NKD1: variants seen among roughly 807,000 people sequenced by gnomAD.
The protein encoded by NKD1 is protein naked cuticle homolog 1.
In NKD1, 21 loss-of-function variants were observed where a neutral mutation model predicts 56.0. The ratio of observed to expected loss-of-function variants is 0.38; its 90% CI spans 0.27 to 0.54. The LOEUF (loss-of-function observed/expected upper bound fraction) is 0.54. NKD1 is among the 20% of genes least tolerant of loss of function. The pLI, the probability that NKD1 is intolerant of heterozygous loss-of-function variation, is 0.82. For missense variants in NKD1, 578 were observed against 642.7 expected (o/e 0.90, Z 1.09); for synonymous variants, 263 against 265.7 (o/e 0.99, Z 0.10).
intron 4 of NKD1, among the ~76,000 whole-genome samples, chr16:50,620,528 A>AG (rs1171239452): frequency 5.3e-5 from 8 of 152,162 alleles, no homozygotes; most frequent in Admixed American, 2.6e-4. Flanking sequence ...TTCCCGGAGT[A>AG]GGAGCCAGGC....
rs1257201850 is a variant in NKD1, at chr16:50,633,702, C to T, written c.1334C>T (p.Ala445Val). 3 of 1,589,050 alleles carry T rather than the reference C, an allele frequency of 1.9e-6. No homozygotes were observed. Among genetic ancestry groups the T allele is most frequent in the East Asian group, 4.6e-5 (2 of 43,602 alleles). Residue 445 changes from alanine to valine, a missense_variant, in exon 10 of 10, where the codon GCC (alanine) becomes GTC (valine). By Grantham distance (64) the Ala-to-Val change is moderately conservative. Transcript: ENST00000268459. The surrounding 1 kb of genome is among the most constrained non-coding windows in gnomAD (Gnocchi z 4.9). ...GCCTTGGTGGTGTATGAGAGCCAGG[C>T]CGGGCAGCCGGTCCAGAGACATGAG... ...LPALVVYESQAGQPVQRHEHH... is the reference protein window; with the variant it reads ...LPALVVYESQVGQPVQRHEHH...
At chr16:50,560,695 CA>C (rs1960604481) in intron 3 of NKD1, among the ~76,000 whole-genome samples, 4 of 150,260 alleles carry the variant, frequency 2.7e-5, no homozygotes, top group Admixed American at 2.7e-4. Context: ...ATTTAGTGAC[CA>C]AAATGAAATA....
At chr16:50,585,759 G>A (rs1961215331) in intron 3 of NKD1, among the ~76,000 whole-genome samples, 1 of 152,300 alleles carries the variant, frequency 6.6e-6, no homozygotes, top group Non-Finnish European at 1.5e-5. Flanking sequence ...TGGGAGTTTG[G>A]TAATAGTAAT....
chr16:50,548,979 TC>T, intron 2 of NKD1: 1 of 729,970 alleles, frequency 1.4e-6, no homozygotes, highest in East Asian at 2.4e-4. Flanking sequence ...CCCCTCCCCC[TC>T]CCGCGTCCCT....
At chr16:50,571,458 C>T (rs1960881876) in intron 3 of NKD1, 1 of 985,278 alleles carries the variant, frequency 1.0e-6, no homozygotes, top group Non-Finnish European at 1.2e-6. Flanking sequence ...GTGCCCTCCA[C>T]TCACTGCCGC....
Position 50,645,627 on chromosome 16 carries a change from A to T in NKD1, c.*11846A>T, listed in dbSNP as rs1384961032. 1 of 152,196 alleles carries T rather than the reference A, an allele frequency of 6.6e-6. No individual in the cohort carries two copies. The highest frequency in any genetic ancestry group is 1.5e-5 in the Non-Finnish European group (1 of 68,070). The allele number at this position is 152,196 out of a possible 1,614,324, so 9.4% of individuals were successfully genotyped here. Reference sequence around the variant, plus strand: ...CACTCTAGCCACCACCACGCAGAGAAGGGATTGGAAACAGTAGCCCGGAGA... The same window carrying T: ...CACTCTAGCCACCACCACGCAGAGATGGGATTGGAAACAGTAGCCCGGAGA... On this transcript the variant is annotated 3_prime_UTR_variant, in exon 10 of 10. Coordinates refer to ENST00000268459, the MANE Select transcript of NKD1 (RefSeq NM_033119.5).
chr16:50,612,442 G>T (rs1961867203), intron 4 of NKD1, among the ~76,000 whole-genome samples: 1 of 152,216 alleles, frequency 6.6e-6, no homozygotes, highest in East Asian at 1.9e-4. Flanking sequence ...TGCAGCTAGG[G>T]GCTCTGCTGG....
In NKD1 at chr16:50,598,664, G is replaced by A. The variant is rs866279387; in HGVS notation, c.193-9630G>A. Among the ~76,000 whole-genome samples the A allele has an allele frequency of 1.2e-4, 18 of 152,334 alleles. No individual in the cohort carries two copies. Among genetic ancestry groups the A allele is most frequent in the Middle Eastern group, 3.4e-3 (1 of 294 alleles). ...CCGCCCCAGCTGCTTGGTGATCAGA[G>A]GCACGCCACAGGCCCTCGGGCCTCT... On this transcript the variant is annotated intron_variant, in intron 3 of 9. Transcript: ENST00000268459. This position sits in a 1 kb window ranked among gnomAD's most constrained non-coding sequence, Gnocchi z 4.2.
Position 50,633,178 on chromosome 16 carries a change from G to A in NKD1, c.824-14G>A, listed in dbSNP as rs1308847969. 1.3e-6 allele frequency: 2 copies of A among 1,588,218 alleles called. No homozygotes were observed. The highest frequency in any genetic ancestry group is 1.7e-6 in the Non-Finnish European group (2 of 1,164,596). ...AGTAGGTGCTCATTAAATGTCTGTT[G>A]AATTGGTTCCTAGGCTCCCCTTCCG... is the stretch of plus-strand genomic sequence containing the variant. On this transcript the variant is annotated splice_polypyrimidine_tract_variant and intron_variant, in intron 9 of 9. Transcript: ENST00000268459. The surrounding 1 kb of genome is among the most constrained non-coding windows in gnomAD (Gnocchi z 4.9).
rs913183302 is a variant in NKD1 at position 50,647,111 on chromosome 16, G to C, written c.*13330G>C. On this transcript the variant is annotated 3_prime_UTR_variant, in exon 10 of 10. Coordinates refer to ENST00000268459, the MANE Select transcript of NKD1 (RefSeq NM_033119.5). ...ACTATATTACATATCTACAGTGGTA[G>C]AGTCATACTAGAAGACATGATGGGA... The C allele has an allele frequency of 3.0e-4, 46 of 152,222 alleles. No homozygotes were observed. Among genetic ancestry groups the C allele is most frequent in the Admixed American group, 3.0e-3 (46 of 15,286 alleles). The allele number at this position is 152,222 out of a possible 1,614,324, so 9.4% of individuals were successfully genotyped here.
At position 50,647,316 on chromosome 16, in the gene NKD1, TG is replaced by T. The variant is rs1368057207; in HGVS notation, c.*13537del. The T allele has an allele frequency of 6.6e-6, 1 of 152,268 alleles. No individual in the cohort carries two copies. The highest frequency in any genetic ancestry group is 6.5e-5 in the Admixed American group (1 of 15,282). The allele number at this position is 152,268 out of a possible 1,614,324, so 9.4% of individuals were successfully genotyped here. A position where few individuals can be genotyped will look rare whatever the true frequency, so the allele number is the denominator to read the frequency against. ...CTGTTGAGGAACTTGTAACATGTCA[TG>T]GTAGTGGCCATCTTGCTACAGCCTG... On this transcript the variant is annotated 3_prime_UTR_variant, in exon 10 of 10. Coordinates refer to ENST00000268459, the MANE Select transcript of NKD1 (RefSeq NM_033119.5).
At chr16:50,609,866 C>T (rs1335240943) in intron 4 of NKD1, among the ~76,000 whole-genome samples, 3 of 152,170 alleles carry the variant, frequency 2.0e-5, no homozygotes, top group African/African-American at 7.2e-5. Flanking sequence ...TGCATACAGT[C>T]TGGTATCTTT....
intron 3 of NKD1, among the ~76,000 whole-genome samples, chr16:50,579,042 G>A (rs1371941210): frequency 6.6e-6 from 1 of 152,112 alleles, no homozygotes; most frequent in African/African-American, 2.4e-5. Context: ...CACTATACAC[G>A]CACTCTAACC....
intron 2 of NKD1, 195 bp downstream of exon 2, chr16:50,548,944 C>A: frequency 2.1e-6 from 2 of 961,452 alleles, no homozygotes; most frequent in Non-Finnish European, 2.5e-6. Context: ...CCCCGCGGTC[C>A]TGCGCTCCCA....
At position 50,588,573 on chromosome 16, in the gene NKD1, G is replaced by GTTTCT. The variant is rs1254838982; in HGVS notation, c.193-19704_193-19700dup. On this transcript the variant is annotated intron_variant, in intron 3 of 9. Transcript: ENST00000268459. ...TGCCACTTGTTAGCTACTTGTTCAA[G>GTTTCT]TTTCTTTTCTTTTCTTTTCTTCTGC... 8.3e-4 allele frequency among the ~76,000 whole-genome samples: 110 copies of GTTTCT among 131,892 alleles called. 1 individual carries two copies. Among genetic ancestry groups the GTTTCT allele is most frequent in the African/African-American group, 2.1e-3 (77 of 36,202 alleles). 86.5% of individuals were successfully genotyped at this position (131,892 alleles called of 152,430 possible). A position where few individuals can be genotyped will look rare whatever the true frequency, so the allele number is the denominator to read the frequency against.
intron 3 of NKD1, among the ~76,000 whole-genome samples, chr16:50,591,952 G>A (rs1205290746): frequency 1.3e-5 from 2 of 152,198 alleles, no homozygotes; most frequent in African/African-American, 2.4e-5. Flanking sequence ...CAACCCAAGG[G>A]GACCCTGTCT....
intron 3 of NKD1, among the ~76,000 whole-genome samples, chr16:50,568,441 A>C (rs1214964155): frequency 1.3e-5 from 2 of 152,084 alleles, no homozygotes; most frequent in Admixed American, 6.5e-5. Context: ...TTCTTGTTGT[A>C]AACTGGGGAT....
intron 6 of NKD1, among the ~76,000 whole-genome samples, chr16:50,625,798 C>G (rs548185174): frequency 7.7e-4 from 117 of 152,256 alleles, no homozygotes; most frequent in African/African-American, 2.7e-3. Context: ...GAAGGCAGCT[C>G]CCCTGCTCTC....
intron 4 of NKD1, among the ~76,000 whole-genome samples, chr16:50,619,074 CT>C (rs1962028554): frequency 6.6e-6 from 1 of 152,138 alleles, no homozygotes; most frequent in South Asian, 2.1e-4. Context: ...GATAACTTCC[CT>C]TTGAACTTGA....
Sources: gnomAD v4.1 joint callset for allele counts (sites outside exome capture counted in the v4.1 genomes callset) on GRCh38, gnomAD v4.1.1 for gene constraint, Gnocchi (gnomAD v3.1) non-coding constraint, MANE v1.5 for transcripts, NCBI Gene and HGNC (gene_info 2026-07-23, HGNC 2026-07-21) for gene names.